NAALADL2: variants seen among roughly 807,000 people sequenced by gnomAD.
NAALADL2 encodes N-acetylated alpha-linked acidic dipeptidase like 2, also known as inactive N-acetylated-alpha-linked acidic dipeptidase-like protein 2.
In NAALADL2, 76 loss-of-function variants were observed where a neutral mutation model predicts 87.2. The observed-to-expected ratio is 0.87, with a 90% confidence interval of 0.72 to 1.05. NAALADL2 has a LOEUF of 1.05. NAALADL2 is among the 50% of genes least tolerant of loss of function. The pLI, the probability that NAALADL2 is intolerant of heterozygous loss-of-function variation, is 0.00. For missense variants in NAALADL2, 1,089 were observed against 945.8 expected (o/e 1.15, Z -1.99); for synonymous variants, 354 against 331.0 (o/e 1.07, Z -0.75).
At chr3:174,794,978 C>A (rs1446512885) in intron 3 of NAALADL2, among the ~76,000 whole-genome samples, 1 of 117,420 alleles carries the variant, frequency 8.5e-6, no homozygotes, top group Non-Finnish European at 1.8e-5. Context: ...ACTTCTAGTC[C>A]AGCTTTTTTT....
chr3:174,650,895 C>A (rs2108754485), intron 2 of NAALADL2, among the ~76,000 whole-genome samples: 1 of 152,178 alleles, frequency 6.6e-6, no homozygotes, highest in East Asian at 1.9e-4. Context: ...GAAAGTAAAT[C>A]TATATGAAAA....
intron 5 of NAALADL2, among the ~76,000 whole-genome samples, chr3:175,337,711 AAAC>A (rs1245229220): frequency 1.4e-4 from 22 of 151,860 alleles, no homozygotes; most frequent in Non-Finnish European, 2.6e-4. Flanking sequence ...ACTAATACAA[AAAC>A]AAACAAACAA....
chr3:175,249,968 G>C (rs1285029899), intron 3 of NAALADL2, among the ~76,000 whole-genome samples: 1 of 151,944 alleles, frequency 6.6e-6, no homozygotes, highest in Admixed American at 6.6e-5. Context: ...TCGGGAGTTC[G>C]AGACCAGCCT....
chr3:175,060,306 A>G (rs951471542), intron 1 of NAALADL2, among the ~76,000 whole-genome samples: 3 of 152,186 alleles, frequency 2.0e-5, no homozygotes, highest in Non-Finnish European at 2.9e-5. Flanking sequence ...CTGTGGAGAA[A>G]GAAAGGAAGA....
At chr3:175,551,627 C>T (rs1473611589) in intron 9 of NAALADL2, among the ~76,000 whole-genome samples, 5 of 152,268 alleles carry the variant, frequency 3.3e-5, no homozygotes, top group Middle Eastern at 3.4e-3. Flanking sequence ...GGGCCGGGCG[C>T]GGTGACTCAC....
intron 1 of NAALADL2, among the ~76,000 whole-genome samples, chr3:174,460,887 C>T (rs763797496): frequency 6.6e-6 from 1 of 151,968 alleles, no homozygotes; most frequent in African/African-American, 2.4e-5. Flanking sequence ...TTCTTTCCTC[C>T]TTCCATCCCC....
At chr3:175,006,283 G>A (rs2108783042) in intron 1 of NAALADL2, among the ~76,000 whole-genome samples, 1 of 152,246 alleles carries the variant, frequency 6.6e-6, no homozygotes. Flanking sequence ...CCTTATTTTG[G>A]AGGTGGAGTG....
At chr3:175,048,838 G>A (rs901615945) in intron 1 of NAALADL2, among the ~76,000 whole-genome samples, 1 of 152,132 alleles carries the variant, frequency 6.6e-6, no homozygotes, top group Non-Finnish European at 1.5e-5. Flanking sequence ...CACCCTGGGA[G>A]TGGCTGCATT....
intron 6 of NAALADL2, 74 bp downstream of exon 6, chr3:175,447,446 T>A: frequency 9.9e-7 from 1 of 1,012,466 alleles, no homozygotes; most frequent in Non-Finnish European, 1.4e-6. Context: ...TCTCCTAAAT[T>A]GATGTATGTA....
intron 9 of NAALADL2, among the ~76,000 whole-genome samples, chr3:175,526,061 G>A (rs1046454910): frequency 9.9e-5 from 15 of 152,114 alleles, no homozygotes; most frequent in African/African-American, 1.4e-4. Context: ...TCTACAATTC[G>A]CAACCAGTAT....
At chr3:174,702,042 G>C (rs1729600995) in intron 2 of NAALADL2, among the ~76,000 whole-genome samples, 1 of 152,160 alleles carries the variant, frequency 6.6e-6, no homozygotes, top group African/African-American at 2.4e-5. Flanking sequence ...CCCATCAGCA[G>C]TGTATGAGAG....
chr3:175,203,263 G>T (rs887854251), intron 2 of NAALADL2, among the ~76,000 whole-genome samples: 2 of 152,106 alleles, frequency 1.3e-5, no homozygotes, highest in Non-Finnish European at 2.9e-5. Flanking sequence ...GGATCCCTGT[G>T]ATTCCAGGCA....
chr3:175,014,805 G>A (rs1285955667), intron 1 of NAALADL2, among the ~76,000 whole-genome samples: 1 of 151,988 alleles, frequency 6.6e-6, no homozygotes, highest in African/African-American at 2.4e-5. Flanking sequence ...AATTCATATT[G>A]CACATTCTAT....
chr3:175,169,318 G>C (rs1241879548), intron 2 of NAALADL2, among the ~76,000 whole-genome samples: 1 of 151,384 alleles, frequency 6.6e-6, no homozygotes, highest in Non-Finnish European at 1.5e-5. Flanking sequence ...ATATATTTCT[G>C]AAGTCTGGAC....
chr3:175,665,950 A>T (rs1732930195), intron 11 of NAALADL2, among the ~76,000 whole-genome samples: 1 of 151,804 alleles, frequency 6.6e-6, no homozygotes, highest in Non-Finnish European at 1.5e-5. Flanking sequence ...AAAAGGTTTT[A>T]TTATATTATC....
chr3:175,776,476 A>G (rs1750263947), intron 13 of NAALADL2: 1 of 152,072 alleles, frequency 6.6e-6, no homozygotes, highest in South Asian at 2.1e-4. Flanking sequence ...TCTCTGACCA[A>G]TTCTTTTATG....
intron 9 of NAALADL2, among the ~76,000 whole-genome samples, chr3:175,476,314 G>A (rs1725690199): frequency 6.6e-6 from 1 of 152,036 alleles, no homozygotes; most frequent in African/African-American, 2.4e-5. Context: ...AAGTGTTGTA[G>A]GACACAGTAA....
At chr3:174,866,565 G>A (rs1727169094) in intron 1 of NAALADL2, among the ~76,000 whole-genome samples, 1 of 151,676 alleles carries the variant, frequency 6.6e-6, no homozygotes, top group African/African-American at 2.4e-5. Context: ...TATCTTATAA[G>A]CTTACTCAAT....
intron 2 of NAALADL2, among the ~76,000 whole-genome samples, chr3:175,101,318 G>A (rs540985901): frequency 7.2e-4 from 110 of 152,066 alleles, no homozygotes; most frequent in Non-Finnish European, 1.2e-3. Context: ...ATCCTTTTGT[G>A]GACCAAAGAT....
Sources: allele counts gnomAD v4.1 joint callset (sites outside exome capture counted in the v4.1 genomes callset), GRCh38; gene constraint gnomAD v4.1.1; transcripts MANE v1.5; gene names NCBI Gene and HGNC (gene_info 2026-07-23, HGNC 2026-07-21).